Variants in DIAPH2 observed in about 807,000 individuals in gnomAD.
The protein encoded by DIAPH2 is diaphanous related formin 2, also known as protein diaphanous homolog 2.
In DIAPH2, 35 loss-of-function variants were observed where a neutral mutation model predicts 92.7. The ratio of observed to expected loss-of-function variants is 0.38; its 90% CI spans 0.29 to 0.50. The LOEUF (loss-of-function observed/expected upper bound fraction) is 0.50. DIAPH2 is among the 20% of genes least tolerant of loss of function. The pLI is 0.94. For missense variants in DIAPH2, 701 were observed against 819.5 expected (o/e 0.86, Z 1.77); for synonymous variants, 301 against 280.4 (o/e 1.07, Z -0.73).
In DIAPH2 at chrX:97,602,835, A is replaced by ATCTT. The variant is rs749950311; in HGVS notation, c.*3519_*3522dup. On this transcript the variant is annotated 3_prime_UTR_variant, in exon 27 of 27. Coordinates refer to ENST00000324765, the MANE Select transcript of DIAPH2 (RefSeq NM_006729.5). ...CCTGTAGAATTCTGGCAGTCTCACAATCTTCTTTCATTTTTTTCTGTCTCT... is the reference window on the plus strand; with the variant it reads ...CCTGTAGAATTCTGGCAGTCTCACAATCTTTCTTCTTTCATTTTTTTCTGTCTCT... 4 of 111,732 alleles carry ATCTT rather than the reference A, an allele frequency of 3.6e-5. No individual in the cohort carries two copies. Among genetic ancestry groups the ATCTT allele is most frequent in the African/African-American group, 1.3e-4 (4 of 30,743 alleles). 9.2% of individuals were successfully genotyped at this position (111,732 alleles called of 1,213,427 possible). A position where few individuals can be genotyped will look rare whatever the true frequency, so the allele number is the denominator to read the frequency against.
At chrX:97,121,429 G>A (rs1015688506) in intron 21 of DIAPH2, among the ~76,000 whole-genome samples, 62 of 111,435 alleles carry the variant, frequency 5.6e-4, no homozygotes, top group African/African-American at 1.9e-3. Context: ...CTCAGAACTC[G>A]TCAAATTTGG....
rs1232383959 is a variant in DIAPH2 at position 96,790,155 on chromosome X, C to T, written c.447+31897C>T. ...TGCGATCCCGGCTCACTGCAACCTC[C>T]GCCTCCTGGGTTCTAGTGATTCTCC... is the stretch of plus-strand genomic sequence containing the variant. On this transcript the variant is annotated intron_variant, in intron 4 of 26. Coordinates refer to ENST00000324765, the MANE Select transcript of DIAPH2 (RefSeq NM_006729.5). Among the ~76,000 whole-genome samples, 6 of 109,073 alleles carry T rather than the reference C, an allele frequency of 5.5e-5. No homozygotes were observed. The East Asian group carries it at 1.4e-3, about 26-fold the overall frequency. The allele number at this position is 109,073 out of a possible 115,157, so 94.7% of individuals were successfully genotyped here. A position where few individuals can be genotyped will look rare whatever the true frequency, so the allele number is the denominator to read the frequency against.
intron 23 of DIAPH2, among the ~76,000 whole-genome samples, chrX:97,288,585 A>G (rs1223567777): frequency 1.8e-5 from 2 of 110,357 alleles, no homozygotes; most frequent in Non-Finnish European, 3.8e-5. Flanking sequence ...TACTAAAAGT[A>G]CAAAAATTAG....
intron 19 of DIAPH2, among the ~76,000 whole-genome samples, chrX:97,082,533 G>A (rs1785552278): frequency 1.8e-5 from 2 of 110,323 alleles, no homozygotes; most frequent in South Asian, 7.7e-4. Flanking sequence ...TCGGGAGGCT[G>A]AGGCAGGAGA....
At chrX:97,403,674 T>C (rs1197727425) in intron 25 of DIAPH2, among the ~76,000 whole-genome samples, 2 of 111,641 alleles carry the variant, frequency 1.8e-5, no homozygotes, top group Non-Finnish European at 3.8e-5. Context: ...TTGAGTAATA[T>C]CAGTCCTTTG....
At chrX:96,885,056 A>C (rs2065250532) in intron 5 of DIAPH2, 1 of 1,210,176 alleles carries the variant, frequency 8.3e-7, no homozygotes, top group Admixed American at 2.2e-5. Context: ...GGCCACATCT[A>C]TCCCACTGTG....
intron 22 of DIAPH2, among the ~76,000 whole-genome samples, chrX:97,207,242 T>A (rs2067804722): frequency 8.9e-6 from 1 of 112,128 alleles, no homozygotes; most frequent in African/African-American, 3.2e-5. Context: ...ATGTTACCAG[T>A]CGTATAGCTT....
chrX:97,477,582 G>A (rs1186929139), intron 26 of DIAPH2, among the ~76,000 whole-genome samples: 1 of 111,046 alleles, frequency 9.0e-6, no homozygotes, highest in Non-Finnish European at 1.9e-5. Flanking sequence ...TCCAACCTGG[G>A]TGACAGAGCA....
intron 4 of DIAPH2, among the ~76,000 whole-genome samples, chrX:96,879,975 C>T (rs985229710): frequency 1.8e-5 from 2 of 111,295 alleles, no homozygotes; most frequent in African/African-American, 3.3e-5. Context: ...GTGTTCCACC[C>T]GCCTCAGCCT....
At position 97,512,063 on chromosome X, in the gene DIAPH2, G is replaced by T. The variant is rs1315812985; in HGVS notation, c.3241+82318G>T. Among the ~76,000 whole-genome samples, 3 of 113,343 alleles carry T rather than the reference G, an allele frequency of 2.6e-5. No individual in the cohort carries two copies. In the Admixed American group the frequency reaches 2.8e-4, roughly 10 times the overall value. ...AGGATTCCCTCTTTTTCTATTGATT[G>T]GAATAGTTTCAGAAGGAATGGTACC... On this transcript the variant is annotated intron_variant, in intron 26 of 26. Coordinates refer to ENST00000324765, the MANE Select transcript of DIAPH2 (RefSeq NM_006729.5).
intron 4 of DIAPH2, among the ~76,000 whole-genome samples, chrX:96,833,976 A>G (rs2064872243): frequency 8.9e-6 from 1 of 111,760 alleles, no homozygotes; most frequent in Non-Finnish European, 1.9e-5. Flanking sequence ...GTTTATTAAC[A>G]TATATACATA....
intron 5 of DIAPH2, 115 bp from the exon 6 acceptor site, chrX:96,912,213 A>G (rs957992412): frequency 4.3e-5 from 26 of 602,314 alleles, no homozygotes; most frequent in Admixed American, 2.8e-4. Context: ...AAAAATAATG[A>G]CAAGCAATAT....
intron 26 of DIAPH2, among the ~76,000 whole-genome samples, chrX:97,571,700 A>G (rs977975827): frequency 6.3e-5 from 7 of 110,401 alleles, no homozygotes; most frequent in Non-Finnish European, 1.3e-4. Flanking sequence ...TTGCTTTCAT[A>G]TGGCATGCAA....
At chrX:97,547,000 G>A (rs972475694) in intron 26 of DIAPH2, among the ~76,000 whole-genome samples, 2 of 111,940 alleles carry the variant, frequency 1.8e-5, no homozygotes, top group South Asian at 7.5e-4. Flanking sequence ...GTTTTATCAT[G>A]CAACTTAAGA....
At chrX:97,263,900 T>TTTATTTATTTATTTA (rs2068311402) in intron 23 of DIAPH2, among the ~76,000 whole-genome samples, 2 of 93,992 alleles carry the variant, frequency 2.1e-5, no homozygotes, top group Non-Finnish European at 4.2e-5. Flanking sequence ...ACTGTTAGTT[T>TTTATTTATTTATTTA]TTTATTTATT....
chrX:96,898,275 G>C (rs1233473680), intron 5 of DIAPH2, among the ~76,000 whole-genome samples: 4 of 102,143 alleles, frequency 3.9e-5, no homozygotes, highest in Non-Finnish European at 6.0e-5. Context: ...GGTATTTCTA[G>C]TTCTAGATCC....
chrX:97,442,435 G>C (rs558323954), intron 26 of DIAPH2, among the ~76,000 whole-genome samples: 1 of 112,381 alleles, frequency 8.9e-6, no homozygotes. Context: ...AAAACAAAAA[G>C]ATACTCAACA....
chrX:97,237,922 C>T (rs1168416856), intron 22 of DIAPH2, among the ~76,000 whole-genome samples: 1 of 112,553 alleles, frequency 8.9e-6, no homozygotes, highest in Middle Eastern at 4.2e-3. Flanking sequence ...ACCATTCCAC[C>T]AAGACTTTAT....
intron 14 of DIAPH2, among the ~76,000 whole-genome samples, chrX:96,946,756 A>G (rs750797737): frequency 8.9e-6 from 1 of 111,915 alleles, no homozygotes; most frequent in South Asian, 3.7e-4. Flanking sequence ...TAGACACTGC[A>G]AGACTGGAGC....
Sources: allele counts gnomAD v4.1 joint callset (sites outside exome capture counted in the v4.1 genomes callset), GRCh38; gene constraint gnomAD v4.1.1; transcripts MANE v1.5; gene names NCBI Gene and HGNC (gene_info 2026-07-23, HGNC 2026-07-21).